R3HCC1L: variants seen among roughly 807,000 people sequenced by gnomAD.
R3HCC1L encodes coiled-coil domain-containing protein R3HCC1L.
R3HCC1L carries 51 observed loss-of-function variants against 59.9 expected under a neutral mutation model. That is an observed-to-expected ratio of 0.85 (90% confidence interval 0.68 to 1.07). The LOEUF (loss-of-function observed/expected upper bound fraction) is 1.07, where lower values mean the gene tolerates loss of function less well. R3HCC1L is among the 50% of genes least tolerant of loss of function. R3HCC1L has a pLI of 0.00. For synonymous variants in R3HCC1L, 322 were observed against 315.2 expected, an observed-to-expected ratio of 1.02 and a Z score of -0.23; for missense variants, 965 against 933.0, an observed-to-expected ratio of 1.03 and a Z score of -0.45.
chr10:98,184,331 T>C (rs888744249), intron 4 of R3HCC1L, among the ~76,000 whole-genome samples: 1 of 152,186 alleles, frequency 6.6e-6, no homozygotes, highest in African/African-American at 2.4e-5. Flanking sequence ...AGACTGCATA[T>C]ATGATGATGG....
intron 4 of R3HCC1L, among the ~76,000 whole-genome samples, chr10:98,171,327 A>G (rs1848488287): frequency 6.6e-6 from 1 of 152,176 alleles, no homozygotes; most frequent in Non-Finnish European, 1.5e-5. Flanking sequence ...GCTCTGTAAA[A>G]ATTCTTTAAT....
At chr10:98,185,719 C>G (rs1232145147) in intron 4 of R3HCC1L, among the ~76,000 whole-genome samples, 1 of 152,168 alleles carries the variant, frequency 6.6e-6, no homozygotes, top group Non-Finnish European at 1.5e-5. Flanking sequence ...GAAGAGTCTT[C>G]TAAGCCATGT....
At chr10:98,175,538 C>T (rs1848924093) in intron 4 of R3HCC1L, among the ~76,000 whole-genome samples, 1 of 152,082 alleles carries the variant, frequency 6.6e-6, no homozygotes. Flanking sequence ...TTTGTATTTT[C>T]CAGGATGTTG....
intron 4 of R3HCC1L, among the ~76,000 whole-genome samples, chr10:98,174,064 C>T (rs1356814439): frequency 1.3e-5 from 2 of 152,092 alleles, no homozygotes; most frequent in Admixed American, 1.3e-4. Context: ...GTTTGCTATA[C>T]TTGTAGTATA....
intron 9 of R3HCC1L, among the ~76,000 whole-genome samples, chr10:98,240,968 T>C (rs1590857594): frequency 6.6e-6 from 1 of 152,332 alleles, no homozygotes; most frequent in East Asian, 1.9e-4. Flanking sequence ...CTAAAATAAA[T>C]AGTACATGGT....
At chr10:98,223,475 T>A (rs1454183439) in intron 5 of R3HCC1L, among the ~76,000 whole-genome samples, 1 of 151,978 alleles carries the variant, frequency 6.6e-6, no homozygotes, top group Non-Finnish European at 1.5e-5. Context: ...CATTCATATC[T>A]GTGCATCTAG....
intron 5 of R3HCC1L, among the ~76,000 whole-genome samples, chr10:98,225,261 G>A (rs1039233087): frequency 3.3e-5 from 5 of 152,146 alleles, no homozygotes; most frequent in Non-Finnish European, 7.4e-5. Flanking sequence ...ATACTGCCAT[G>A]TCTCATCACT....
intron 5 of R3HCC1L, among the ~76,000 whole-genome samples, chr10:98,223,093 T>C (rs374228227): frequency 1.3e-5 from 2 of 152,088 alleles, no homozygotes; most frequent in Admixed American, 6.5e-5. Flanking sequence ...GATTCACAGC[T>C]GAATTCTACC....
intron 4 of R3HCC1L, among the ~76,000 whole-genome samples, chr10:98,184,983 A>G (rs192521050): frequency 6.4e-4 from 98 of 152,258 alleles, no homozygotes; most frequent in African/African-American, 2.0e-3. Context: ...CTTAGATTTA[A>G]GGTTACCTTA....
At position 98,208,209 on chromosome 10, in the gene R3HCC1L, A is replaced by T; in HGVS notation, c.95A>T (p.Lys32Met). The T allele has an allele frequency of 6.2e-7, 1 of 1,614,102 alleles. No homozygotes were observed. Residue 32 changes from lysine (K) to methionine (M), a missense_variant, in exon 5 of 10, where the codon AAG (lysine) becomes ATG (methionine). Coordinates refer to ENST00000298999, the MANE Select transcript of R3HCC1L (RefSeq NM_001351015.2). ...PKARRGAVLLKTGDEEESCGS... is the reference protein window; with the variant it reads ...PKARRGAVLLMTGDEEESCGS... ...GCTCGTAGGGGTGCAGTACTCCTTA[A>T]GACAGGTGATGAAGAAGAAAGCTGT...
chr10:98,176,613 A>G (rs954674022), intron 4 of R3HCC1L, among the ~76,000 whole-genome samples: 2 of 152,108 alleles, frequency 1.3e-5, no homozygotes, highest in African/African-American at 4.8e-5. Flanking sequence ...TAGAGATTCT[A>G]TGGGATTTCT....
intron 4 of R3HCC1L, among the ~76,000 whole-genome samples, chr10:98,171,948 A>G (rs756032263): frequency 1.3e-5 from 2 of 152,188 alleles, no homozygotes; most frequent in Non-Finnish European, 2.9e-5. Context: ...AGTACTTACT[A>G]TTATGTTTAA....
At chr10:98,148,731 A>G (rs1361104076) in intron 1 of R3HCC1L, among the ~76,000 whole-genome samples, 1 of 152,148 alleles carries the variant, frequency 6.6e-6, no homozygotes, top group African/African-American at 2.4e-5. Flanking sequence ...CCTGGGATGA[A>G]TCCCACTTGA....
At chr10:98,231,428 A>G in intron 5 of R3HCC1L, 84 bp from the exon 6 acceptor site, 1 of 1,250,260 alleles carries the variant, frequency 8.0e-7, no homozygotes, top group Non-Finnish European at 1.1e-6. Context: ...AGAGAAAGGG[A>G]GGAGGATTGT....
intron 1 of R3HCC1L, among the ~76,000 whole-genome samples, chr10:98,135,100 G>A (rs910653349): frequency 6.6e-6 from 1 of 152,242 alleles, no homozygotes; most frequent in Non-Finnish European, 1.5e-5. Flanking sequence ...CGGTTTCCGG[G>A]CTTCGCTTCG....
At chr10:98,177,339 G>A (rs927510111) in intron 4 of R3HCC1L, among the ~76,000 whole-genome samples, 11 of 152,060 alleles carry the variant, frequency 7.2e-5, no homozygotes, top group Admixed American at 1.3e-4. Flanking sequence ...CTTTATCCAC[G>A]TCCCTACAAA....
intron 1 of R3HCC1L, among the ~76,000 whole-genome samples, chr10:98,152,127 A>AT (rs1204977611): frequency 1.3e-5 from 2 of 151,924 alleles, no homozygotes; most frequent in Non-Finnish European, 2.9e-5. Context: ...TGGTTTTCAT[A>AT]TTTTTTTGGT....
intron 1 of R3HCC1L, among the ~76,000 whole-genome samples, chr10:98,146,129 T>C (rs986565755): frequency 1.3e-5 from 2 of 151,928 alleles, no homozygotes; most frequent in African/African-American, 4.8e-5. Flanking sequence ...TTTTAATAAT[T>C]ATTGTGATTG....
At chr10:98,148,104 T>A (rs1401838472) in intron 1 of R3HCC1L, among the ~76,000 whole-genome samples, 1 of 152,152 alleles carries the variant, frequency 6.6e-6, no homozygotes, top group Non-Finnish European at 1.5e-5. Flanking sequence ...TTTATAATGT[T>A]CCTTGTATAG....
Sources: allele counts gnomAD v4.1 joint callset (sites outside exome capture counted in the v4.1 genomes callset), GRCh38; gene constraint gnomAD v4.1.1; transcripts MANE v1.5; gene names NCBI Gene and HGNC (gene_info 2026-07-23, HGNC 2026-07-21).